The following TBCD variants were observed in gnomAD, a reference collection of about 807,000 sequenced individuals.
TBCD encodes tubulin folding cofactor D.
In TBCD, 105 loss-of-function variants were observed where a neutral mutation model predicts 169.3. The observed-to-expected ratio is 0.62, with a 90% CI of 0.53 to 0.73. The LOEUF (loss-of-function observed/expected upper bound fraction) is 0.73. TBCD is among the 30% of genes least tolerant of loss of function. The pLI is 0.00. For synonymous variants in TBCD, 700 were observed against 643.9 expected (o/e 1.09, Z -1.32); for missense variants, 1,444 against 1,600.1 (o/e 0.90, Z 1.66).
In TBCD at chr17:82,877,672, A is replaced by G. The variant is rs950557835; in HGVS notation, c.1476-6473A>G. ...TATAACTTTTAGTTATTAGAAGATC[A>G]CATTCATATGTCTTGATCAGTTTAA... On this transcript the variant is annotated intron_variant, in intron 14 of 38. Coordinates refer to ENST00000355528, the MANE Select transcript of TBCD (RefSeq NM_005993.5). 3.3e-5 allele frequency among the ~76,000 whole-genome samples: 5 copies of G among 152,350 alleles called. No individual in the cohort carries two copies. In the East Asian group the frequency reaches 9.6e-4, roughly 29 times the overall value.
chr17:82,892,718 C>G (rs1272044277), intron 16 of TBCD, among the ~76,000 whole-genome samples: 1 of 152,118 alleles, frequency 6.6e-6, no homozygotes, highest in Non-Finnish European at 1.5e-5. Context: ...GCTTGGGAGA[C>G]CTTTGAAAAA....
chr17:82,890,624 T>C lies in TBCD; in HGVS notation c.1563+927T>C, dbSNP rs2059063226. On this transcript the variant is annotated intron_variant, in intron 16 of 38. Transcript: ENST00000355528. The surrounding 1 kb of genome is among the most constrained non-coding windows in gnomAD (Gnocchi z 5.3). The stretch of plus-strand genomic sequence containing the variant: ...TTATTGAAATGGTTCTGGAGGAGCC[T>C]GGCGTGAGTGGTGTGGGCGGCTTTC... Among the ~76,000 whole-genome samples, 1 of 152,036 alleles carries C rather than the reference T, an allele frequency of 6.6e-6. No individual in the cohort carries two copies. Among genetic ancestry groups the C allele is most frequent in the Non-Finnish European group, 1.5e-5 (1 of 68,012 alleles).
rs58480407 is a variant in TBCD, at chr17:82,879,059, CTTTTTTTT to C, written c.1476-5073_1476-5066del. ...TGTGTCCTTTCAGCAAGATCCTGTT[CTTTTTTTT>C]TTTTTTTTTTTTCTTTTTTCCTGAG... On this transcript the variant is annotated intron_variant, in intron 14 of 38. Coordinates refer to ENST00000355528, the MANE Select transcript of TBCD (RefSeq NM_005993.5). Among the ~76,000 whole-genome samples, 114 of 113,996 alleles carry C rather than the reference CTTTTTTTT, an allele frequency of 1.0e-3. 1 individual carries two copies. Among genetic ancestry groups the C allele is most frequent in the Non-Finnish European group, 1.8e-3 (100 of 55,686 alleles). The allele number at this position is 113,996 out of a possible 152,430, so 74.8% of individuals were successfully genotyped here.
chr17:82,842,550 T>C (rs2054609961), intron 13 of TBCD, among the ~76,000 whole-genome samples: 1 of 152,182 alleles, frequency 6.6e-6, no homozygotes, highest in Non-Finnish European at 1.5e-5. Flanking sequence ...GGCCTGCTGC[T>C]CGGATCCCAT....
chr17:82,921,739 C>T (rs956967050), intron 25 of TBCD, among the ~76,000 whole-genome samples, 162 bp downstream of exon 25: 1 of 152,180 alleles, frequency 6.6e-6, no homozygotes, highest in African/African-American at 2.4e-5. Flanking sequence ...CGGATGGTAG[C>T]GTCTACACGG....
intron 17 of TBCD, among the ~76,000 whole-genome samples, chr17:82,897,219 T>TA (rs1446227067): frequency 9.2e-5 from 14 of 151,630 alleles, no homozygotes; most frequent in African/African-American, 2.9e-4. Context: ...AAAGCCTTTT[T>TA]AAAAAAAAAT....
chr17:82,767,485 A>C (rs1425336799), intron 4 of TBCD, among the ~76,000 whole-genome samples: 1 of 151,768 alleles, frequency 6.6e-6, no homozygotes, highest in Non-Finnish European at 1.5e-5. Flanking sequence ...CTTCTTGCCC[A>C]GGTTGGAGAG....
At chr17:82,763,888 A>G in intron 2 of TBCD, 77 bp from the exon 3 acceptor site, 1 of 1,228,052 alleles carries the variant, frequency 8.1e-7, no homozygotes, top group Non-Finnish European at 1.2e-6. Context: ...AACAGGCATG[A>G]GCCACCACAC....
intron 1 of TBCD, among the ~76,000 whole-genome samples, chr17:82,753,178 C>T (rs373635662): frequency 1.3e-5 from 2 of 152,160 alleles, no homozygotes; most frequent in African/African-American, 4.8e-5. Flanking sequence ...TGGCCTTCCT[C>T]ATTTTAGAAT....
At chr17:82,940,229 A>ACACACACACT (rs367720318) in intron 37 of TBCD, among the ~76,000 whole-genome samples, 26,008 of 145,494 alleles carry the variant, frequency 0.18, 2,574 homozygotes, top group Admixed American at 0.24. Context: ...GCGCACACAC[A>ACACACACACT]CACACACACA....
At position 82,752,222 on chromosome 17, in the gene TBCD, G is replaced by A. The variant is rs533171147; in HGVS notation, c.29G>A (p.Gly10Asp). The A allele has an allele frequency of 2.5e-5, 38 of 1,525,062 alleles. No homozygotes were observed. Among genetic ancestry groups the A allele is most frequent in the Middle Eastern group, 4.2e-4 (2 of 4,712 alleles). 94.5% of individuals were successfully genotyped at this position (1,525,062 alleles called of 1,614,324 possible). The part of the protein sequence containing the change: MALSDEPAA[G>D]GPEEEAEDET... ...GCCCTGAGCGACGAACCGGCCGCGG[G>A]CGGCCCCGAGGAGGAGGCGGAGGAC... is the stretch of plus-strand genomic sequence containing the variant. The change falls in exon 1 of 39, where the codon GGC becomes GAC. Residue 10 changes from glycine (G) to aspartate (D), a missense_variant. By Grantham distance (94) the Gly-to-Asp change is moderately conservative. Coordinates refer to ENST00000355528, the MANE Select transcript of TBCD (RefSeq NM_005993.5).
chr17:82,758,384 G>GAAA (rs71168146), intron 2 of TBCD, among the ~76,000 whole-genome samples: 777 of 24,796 alleles, frequency 0.031, 30 homozygotes, highest in South Asian at 0.043. Flanking sequence ...AAACGTCTCG[G>GAAA]AAAAAAAAAA....
In TBCD at chr17:82,899,600, G is replaced by A. The variant is rs117550240; in HGVS notation, c.1650-1051G>A. ...TTTGGCTCTGATGAATAAAGCAGTTGTATATATTTATTTAGAAATCATCTT... is the reference window on the plus strand; with the variant it reads ...TTTGGCTCTGATGAATAAAGCAGTTATATATATTTATTTAGAAATCATCTT... On this transcript the variant is annotated intron_variant, in intron 17 of 38. Transcript: ENST00000355528. Among the ~76,000 whole-genome samples the A allele has an allele frequency of 6.8e-3, 1,040 of 152,334 alleles. 6 individuals carry two copies. Among genetic ancestry groups the A allele is most frequent in the Non-Finnish European group, 0.011 (716 of 68,034 alleles).
At chr17:82,830,082 T>G in intron 13 of TBCD, 1 of 1,608,378 alleles carries the variant, frequency 6.2e-7, no homozygotes, top group South Asian at 1.1e-5. Context: ...TGTTGTAGCT[T>G]GCCACCTTGG....
At chr17:82,861,913 CTT>C (rs1234418745) in intron 13 of TBCD, among the ~76,000 whole-genome samples, 2 of 144,376 alleles carry the variant, frequency 1.4e-5, no homozygotes, top group African/African-American at 5.1e-5. Flanking sequence ...ACCTGAAGGT[CTT>C]TTTTTTTTTT....
chr17:82,897,077 G>A (rs764406036), intron 17 of TBCD, among the ~76,000 whole-genome samples: 3 of 152,134 alleles, frequency 2.0e-5, no homozygotes, highest in Admixed American at 6.5e-5. Flanking sequence ...TAGGTTAGTC[G>A]TTTTCTTCCT....
At chr17:82,851,621 G>A (rs1169773902) in intron 13 of TBCD, among the ~76,000 whole-genome samples, 1 of 152,204 alleles carries the variant, frequency 6.6e-6, no homozygotes, top group Non-Finnish European at 1.5e-5. Flanking sequence ...AGGGCGGGTG[G>A]GAAGAGGGCA....
intron 4 of TBCD, among the ~76,000 whole-genome samples, chr17:82,767,522 A>G (rs554704743): frequency 1.2e-4 from 18 of 151,188 alleles, no homozygotes; most frequent in South Asian, 2.1e-4. Flanking sequence ...GCTCACTGCA[A>G]CCTCTGTCTC....
intron 15 of TBCD, among the ~76,000 whole-genome samples, chr17:82,887,744 G>A (rs1395882710): frequency 6.6e-6 from 1 of 152,156 alleles, no homozygotes; most frequent in African/African-American, 2.4e-5. Context: ...CTCTGTCCTC[G>A]CTTGTGTCTG....
Sources: allele counts gnomAD v4.1 joint callset (sites outside exome capture counted in the v4.1 genomes callset), GRCh38; gene constraint gnomAD v4.1.1; non-coding constraint Gnocchi (gnomAD v3.1); transcripts MANE v1.5; gene names NCBI Gene and HGNC (gene_info 2026-07-23, HGNC 2026-07-21).